The following NLGN4X variants were observed in gnomAD, a reference collection of about 807,000 sequenced individuals.
NLGN4X encodes neuroligin-4, X-linked.
Under a neutral mutation model 40.3 loss-of-function variants are expected in NLGN4X, and 3 were observed. The observed-to-expected ratio is 0.07, with a 90% CI of 0.03 to 0.19. The LOEUF is 0.19. NLGN4X is among the 10% of genes least tolerant of loss of function. The probability of loss-of-function intolerance (pLI) is 1.00; values close to 1 mark genes in which losing one functional copy is unlikely to be tolerated. For missense variants in NLGN4X, 382 were observed against 708.3 expected (o/e 0.54, Z 5.23); for synonymous variants, 270 against 306.8 (o/e 0.88, Z 1.25).
intron 5 of NLGN4X, among the ~76,000 whole-genome samples, chrX:5,895,957 TGAAA>T (rs944529257): frequency 4.5e-5 from 5 of 111,897 alleles, no homozygotes; most frequent in African/African-American, 1.6e-4. Flanking sequence ...TAACGTGTAC[TGAAA>T]GAAAAATAAG....
rs2031079550 is a variant in NLGN4X at position 5,890,154 on chromosome X, T to G, written c.*2663A>C. The G allele has an allele frequency of 6.8e-5, 14 of 204,383 alleles. No homozygotes were observed. The South Asian group carries it at 9.2e-4, about 13-fold the overall frequency. The allele number at this position is 204,383 out of a possible 1,213,427, so 16.8% of individuals were successfully genotyped here. ...CTTAAGGCAAAATAAAAAACAAAAC[T>G]GCAAAATAATAACCCAAGGAACCAT... On this transcript the variant is annotated 3_prime_UTR_variant, in exon 6 of 6. Coordinates refer to ENST00000381095, the MANE Select transcript of NLGN4X (RefSeq NM_181332.3).
intron 1 of NLGN4X, among the ~76,000 whole-genome samples, chrX:6,171,751 GT>G (rs1229606806): frequency 9.0e-6 from 1 of 111,496 alleles, no homozygotes; most frequent in African/African-American, 3.3e-5. Context: ...TTCTTAATAA[GT>G]TTTTTTTCTT....
In NLGN4X at chrX:5,993,188, A is replaced by G. The variant is rs1387942819; in HGVS notation, c.625+36092T>C. Among the ~76,000 whole-genome samples, 3 of 110,691 alleles carry G rather than the reference A, an allele frequency of 2.7e-5. No homozygotes were observed. In the Admixed American group the frequency reaches 2.9e-4, roughly 11 times the overall value. ...TGCAGTATATTGAGCAACATCTTGGACTTATATCCATTAGATGCCAGAAGC... is the reference window on the plus strand; with the variant it reads ...TGCAGTATATTGAGCAACATCTTGGGCTTATATCCATTAGATGCCAGAAGC... On this transcript the variant is annotated intron_variant, in intron 3 of 5. Transcript: ENST00000381095.
At chrX:5,904,673 T>A in intron 4 of NLGN4X, among the ~76,000 whole-genome samples, 1 of 112,233 alleles carries the variant, frequency 8.9e-6, no homozygotes. Flanking sequence ...ACTACACGGA[T>A]GTCCAGAAGT....
At chrX:6,116,059 C>T (rs1262419841) in intron 2 of NLGN4X, among the ~76,000 whole-genome samples, 6 of 108,674 alleles carry the variant, frequency 5.5e-5, no homozygotes, top group African/African-American at 3.4e-5. Context: ...TTTGGGAGGC[C>T]AAGGTGGGTG....
At chrX:6,076,119 T>A (rs1295588008) in intron 2 of NLGN4X, among the ~76,000 whole-genome samples, 3 of 112,065 alleles carry the variant, frequency 2.7e-5, no homozygotes, top group Non-Finnish European at 5.6e-5. Context: ...CAGTCCTATA[T>A]GCTAAATCTC....
chrX:5,961,390 A>T (rs2034659357), intron 3 of NLGN4X, among the ~76,000 whole-genome samples: 2 of 112,376 alleles, frequency 1.8e-5, no homozygotes. Context: ...TAAGTAAATT[A>T]CAATAATTCC....
intron 2 of NLGN4X, among the ~76,000 whole-genome samples, chrX:6,049,725 T>G (rs865909554): frequency 7.4e-4 from 5 of 6,756 alleles, no homozygotes; most frequent in Non-Finnish European, 7.7e-4. Flanking sequence ...AAAGGAAAAA[T>G]AAAATGGGGG....
chrX:6,191,737 T>C (rs1229312954), intron 1 of NLGN4X, among the ~76,000 whole-genome samples: 2 of 111,396 alleles, frequency 1.8e-5, no homozygotes, highest in African/African-American at 6.5e-5. Context: ...TGGGTGCCTG[T>C]AATCCCAGCT....
At chrX:5,921,146 T>TAC (rs1569131470) in intron 3 of NLGN4X, among the ~76,000 whole-genome samples, 1 of 43,281 alleles carries the variant, frequency 2.3e-5, no homozygotes, top group Admixed American at 2.7e-4. Context: ...TATATATATA[T>TAC]ACATATATAT....
chrX:5,893,356 G>A lies in NLGN4X; in HGVS notation c.1912C>T (p.Arg638Cys). The A allele has an allele frequency of 2.5e-6, 3 of 1,211,237 alleles. No individual in the cohort carries two copies. Among genetic ancestry groups the A allele is most frequent in the South Asian group, 1.8e-5 (1 of 56,933 alleles). Reference protein sequence around the residue: ...SPAKIWPTTKRPAITPANNPK... With the variant: ...SPAKIWPTTKCPAITPANNPK... Reference sequence around the variant, plus strand: ...TTGTTGGCAGGAGTGATTGCTGGGCGTTTGGTGGTTGGCCATATCTTGGCG... The same window carrying A: ...TTGTTGGCAGGAGTGATTGCTGGGCATTTGGTGGTTGGCCATATCTTGGCG... The change falls in exon 6 of 6, where the codon CGC (arginine) becomes TGC (cysteine). Residue 638 changes from arginine to cysteine, a missense_variant. By Grantham distance (180) the Arg-to-Cys change is radical. Coordinates refer to ENST00000381095, the MANE Select transcript of NLGN4X (RefSeq NM_181332.3).
intron 1 of NLGN4X, among the ~76,000 whole-genome samples, chrX:6,209,604 T>C (rs188594243): frequency 2.5e-4 from 28 of 111,713 alleles, no homozygotes; most frequent in African/African-American, 9.1e-4. Flanking sequence ...TATACAGAAT[T>C]TAATAGTTTG....
chrX:6,021,087 TCTCTCC>T (rs1259437051), intron 3 of NLGN4X, among the ~76,000 whole-genome samples: 569 of 48,797 alleles, frequency 0.012, 2 homozygotes, highest in East Asian at 0.05. Context: ...CCTCTCTCTC[TCTCTCC>T]CCCTCTCCCT....
chrX:5,923,419 G>A (rs1013334770), intron 3 of NLGN4X, among the ~76,000 whole-genome samples: 1 of 112,677 alleles, frequency 8.9e-6, no homozygotes, highest in African/African-American at 3.2e-5. Flanking sequence ...AGGATTACAG[G>A]CGTAAGCCAC....
intron 2 of NLGN4X, among the ~76,000 whole-genome samples, chrX:6,117,239 T>G (rs188801807): frequency 1.8e-5 from 2 of 110,811 alleles, no homozygotes; most frequent in African/African-American, 6.6e-5. Context: ...GTTAATGCCT[T>G]GGACTCCTCA....
At chrX:6,136,442 G>C (rs1196198091) in intron 2 of NLGN4X, among the ~76,000 whole-genome samples, 1 of 111,745 alleles carries the variant, frequency 8.9e-6, no homozygotes, top group East Asian at 2.8e-4. Flanking sequence ...CTGAATAACT[G>C]AGGAAGGTTC....
chrX:6,089,327 C>T (rs751977314), intron 2 of NLGN4X, among the ~76,000 whole-genome samples: 27 of 111,698 alleles, frequency 2.4e-4, no homozygotes, highest in Admixed American at 1.5e-3. Flanking sequence ...CATTTGATAT[C>T]GCCCTTTAGT....
At chrX:6,178,212 G>A (rs1014441840) in intron 1 of NLGN4X, among the ~76,000 whole-genome samples, 4 of 111,791 alleles carry the variant, frequency 3.6e-5, no homozygotes, top group Admixed American at 9.5e-5. Flanking sequence ...GTTAGACAAA[G>A]GTTGAAAGCT....
intron 3 of NLGN4X, among the ~76,000 whole-genome samples, chrX:5,925,889 T>TATATATATATAC (rs2033278085): frequency 1.1e-4 from 1 of 8,892 alleles, no homozygotes; most frequent in Non-Finnish European, 1.8e-4. Flanking sequence ...CACATATATA[T>TATATATATATAC]ATATATATAT....
Sources: allele counts gnomAD v4.1 joint callset (sites outside exome capture counted in the v4.1 genomes callset), GRCh38; gene constraint gnomAD v4.1.1; transcripts MANE v1.5; gene names NCBI Gene and HGNC (gene_info 2026-07-23, HGNC 2026-07-21).